RORA: variants seen among roughly 807,000 people sequenced by gnomAD.
RORA encodes the protein RAR related orphan receptor A, also known as nuclear receptor ROR-alpha.
RORA carries 7 observed loss-of-function variants against 69.5 expected under a neutral mutation model. That is an observed-to-expected ratio of 0.10 (90% CI 0.06 to 0.19). The LOEUF (loss-of-function observed/expected upper bound fraction) is 0.19, where lower values mean the gene tolerates loss of function less well. Among genes scored for constraint, RORA ranks in the 10% least tolerant of loss-of-function variants. The probability of loss-of-function intolerance (pLI) is 1.00; values close to 1 mark genes in which losing one functional copy is unlikely to be tolerated. For synonymous variants in RORA, 261 were observed against 240.8 expected (o/e 1.08, Z -0.78); for missense variants, 457 against 663.0 (o/e 0.69, Z 3.41).
rs994865844 is a variant in RORA, at chr15:60,580,060, A to C, written c.197-48209T>G. On this transcript the variant is annotated intron_variant, in intron 2 of 10. Transcript: ENST00000335670. ...AGAACTTTAAATTTCAAAGGCAAGC[A>C]AAAAAAAAAGCACATTATTTAAAAC... Among the ~76,000 whole-genome samples the C allele has an allele frequency of 1.5e-5, 2 of 134,394 alleles. 1 individual carries two copies. The highest frequency in any genetic ancestry group is 5.2e-4 in the South Asian group (2 of 3,834). 88.2% of individuals were successfully genotyped at this position (134,394 alleles called of 152,430 possible).
chr15:61,161,835 A>T (rs2079498650), intron 1 of RORA, among the ~76,000 whole-genome samples: 1 of 152,150 alleles, frequency 6.6e-6, no homozygotes, highest in African/African-American at 2.4e-5. Context: ...ACAGAAACTC[A>T]TGGGGTCCAA....
chr15:60,916,269 A>T (rs964598688), intron 1 of RORA, among the ~76,000 whole-genome samples: 2 of 152,190 alleles, frequency 1.3e-5, no homozygotes, highest in Non-Finnish European at 2.9e-5. Flanking sequence ...CCTGCCTTGT[A>T]AAGGAACAGA....
intron 1 of RORA, among the ~76,000 whole-genome samples, chr15:61,019,489 C>A (rs1196509192): frequency 6.6e-6 from 1 of 152,156 alleles, no homozygotes; most frequent in Non-Finnish European, 1.5e-5. Flanking sequence ...ACCAGGCTTG[C>A]ACCTCAAACT....
At chr15:61,084,592 A>G (rs2078595064) in intron 1 of RORA, among the ~76,000 whole-genome samples, 2 of 152,162 alleles carry the variant, frequency 1.3e-5, no homozygotes, top group African/African-American at 4.8e-5. Flanking sequence ...AATTTCAACT[A>G]TTCTATTGCC....
At chr15:60,800,160 CT>C (rs924225711) in intron 1 of RORA, among the ~76,000 whole-genome samples, 21 of 151,602 alleles carry the variant, frequency 1.4e-4, no homozygotes, top group African/African-American at 4.9e-4. Context: ...GACATCAGGG[CT>C]TTTTTTTTCC....
intron 2 of RORA, among the ~76,000 whole-genome samples, chr15:60,576,858 C>A (rs1156584105): frequency 2.0e-5 from 3 of 152,194 alleles, no homozygotes; most frequent in Non-Finnish European, 4.4e-5. Flanking sequence ...CTTTCAGGAG[C>A]TGGGATAGCT....
intron 1 of RORA, among the ~76,000 whole-genome samples, chr15:61,165,364 C>T (rs1165268141): frequency 6.6e-6 from 1 of 152,160 alleles, no homozygotes; most frequent in Non-Finnish European, 1.5e-5. Context: ...GTATCCAGCT[C>T]CCCTCTTTAT....
At chr15:60,957,505 A>C (rs1231389111) in intron 1 of RORA, among the ~76,000 whole-genome samples, 1 of 152,232 alleles carries the variant, frequency 6.6e-6, no homozygotes, top group Non-Finnish European at 1.5e-5. Flanking sequence ...CCCAGGATTT[A>C]TTTTCATTAA....
At position 61,201,646 on chromosome 15, in the gene RORA, G is replaced by C. The variant is rs184205027; in HGVS notation, c.166+27407C>G. ...AGTGCTTAGTAATTTTTTTTCTATT[G>C]TTCTTCAGAAGTTTTCACACCACTT... On this transcript the variant is annotated intron_variant, in intron 1 of 10. Coordinates refer to ENST00000335670, the MANE Select transcript of RORA (RefSeq NM_134261.3). 1.9e-3 allele frequency among the ~76,000 whole-genome samples: 285 copies of C among 152,026 alleles called. 1 individual carries two copies. Among genetic ancestry groups the C allele is most frequent in the African/African-American group, 6.5e-3 (269 of 41,482 alleles).
chr15:60,712,559 A>G lies in RORA; in HGVS notation c.167-33873T>C, dbSNP rs139923953. Among the ~76,000 whole-genome samples, 16 of 152,316 alleles carry G rather than the reference A, an allele frequency of 1.1e-4. 1 individual carries two copies. The highest frequency in any genetic ancestry group is 3.6e-4 in the African/African-American group (15 of 41,576). On this transcript the variant is annotated intron_variant, in intron 1 of 10. Transcript: ENST00000335670. ...GATATGTACCCAGACAGCTTAAGGT[A>G]TCCACCTAACTTCTGCAGTCATCTG...
At chr15:60,687,989 C>A (rs750401553) in intron 1 of RORA, among the ~76,000 whole-genome samples, 1 of 152,112 alleles carries the variant, frequency 6.6e-6, no homozygotes, top group Admixed American at 6.6e-5. Flanking sequence ...TTCTTTCATT[C>A]TAAAATTCCA....
chr15:60,770,943 AC>A (rs962053398), intron 1 of RORA, among the ~76,000 whole-genome samples: 9 of 152,254 alleles, frequency 5.9e-5, no homozygotes, highest in Admixed American at 2.0e-4. Context: ...TCAGATAAGC[AC>A]CAAATAATAT....
chr15:60,559,060 TTA>T (rs1298461209), intron 2 of RORA, among the ~76,000 whole-genome samples: 5 of 152,060 alleles, frequency 3.3e-5, no homozygotes, highest in African/African-American at 1.2e-4. Flanking sequence ...AATAAAAATC[TTA>T]TAAACAACAA....
intron 1 of RORA, among the ~76,000 whole-genome samples, chr15:60,984,299 A>T (rs972234196): frequency 6.6e-6 from 1 of 152,156 alleles, no homozygotes; most frequent in African/African-American, 2.4e-5. Flanking sequence ...TAATACTCAC[A>T]AAGAGAGGTT....
At chr15:61,095,975 T>C (rs1329213181) in intron 1 of RORA, among the ~76,000 whole-genome samples, 2 of 152,278 alleles carry the variant, frequency 1.3e-5, no homozygotes, top group South Asian at 2.1e-4. Context: ...GCTTATTTGA[T>C]CATTGATAGG....
chr15:60,996,360 C>T lies in RORA; in HGVS notation c.166+232693G>A, dbSNP rs574171554. Among the ~76,000 whole-genome samples, 217 of 152,262 alleles carry T rather than the reference C, an allele frequency of 1.4e-3. 1 individual carries two copies. Among genetic ancestry groups the T allele is most frequent in the African/African-American group, 4.9e-3 (204 of 41,550 alleles). On this transcript the variant is annotated intron_variant, in intron 1 of 10. Transcript: ENST00000335670. ...GTGCTAGGATTACAGGCATGAGCCA[C>T]CACGCCCAGCCCTACATCTTGTTTT...
intron 1 of RORA, among the ~76,000 whole-genome samples, chr15:60,747,339 G>A (rs2071663218): frequency 6.6e-6 from 1 of 152,184 alleles, no homozygotes; most frequent in African/African-American, 2.4e-5. Context: ...GGGAGTATGA[G>A]AACACTGCCT....
In RORA at chr15:60,698,569, G is replaced by A. The variant is rs1596136101; in HGVS notation, c.167-19883C>T. 1.3e-5 allele frequency among the ~76,000 whole-genome samples: 2 copies of A among 149,614 alleles called. 1 individual carries two copies. The highest frequency in any genetic ancestry group is 4.2e-4 in the South Asian group (2 of 4,736). ...CCCTTTATGTCATAATTACTTTTTT[G>A]GTTATTAAAAGTAATTCTACTATAA... On this transcript the variant is annotated intron_variant, in intron 1 of 10. Transcript: ENST00000335670.
At chr15:60,615,740 A>G (rs2069224304) in intron 2 of RORA, among the ~76,000 whole-genome samples, 2 of 152,122 alleles carry the variant, frequency 1.3e-5, no homozygotes, top group Admixed American at 6.5e-5. Context: ...CTAACAATCA[A>G]CGCATGGCAA....
Sources: gnomAD v4.1 joint callset for allele counts (sites outside exome capture counted in the v4.1 genomes callset) on GRCh38, gnomAD v4.1.1 for gene constraint, MANE v1.5 for transcripts, NCBI Gene and HGNC (gene_info 2026-07-23, HGNC 2026-07-21) for gene names.